The following NCOR2 variants were observed in gnomAD, a reference collection of about 807,000 sequenced individuals.
NCOR2 encodes nuclear receptor corepressor 2.
A neutral mutation model predicts 262.9 loss-of-function variants in NCOR2; 81 were observed. The observed-to-expected ratio is 0.31, with a 90% CI of 0.26 to 0.37. NCOR2 has a LOEUF of 0.37. Ranked by LOEUF, NCOR2 falls within the 10% of genes least tolerant of loss-of-function variation. The pLI, the probability that NCOR2 is intolerant of heterozygous loss-of-function variation, is 1.00. For synonymous variants in NCOR2, 1,659 were observed against 1,559.3 expected (o/e 1.06, Z -1.51); for missense variants, 3,385 against 3,621.4 (o/e 0.93, Z 1.68).
Position 124,440,768 on chromosome 12 carries a change from G to A in NCOR2, c.816-2772C>T, listed in dbSNP as rs1488066303. 6.6e-6 allele frequency among the ~76,000 whole-genome samples: 1 copy of A among 152,184 alleles called. No homozygotes were observed. Among genetic ancestry groups the A allele is most frequent in the African/African-American group, 2.4e-5 (1 of 41,432 alleles). On this transcript the variant is annotated intron_variant, in intron 7 of 46. Transcript: ENST00000405201. This position sits in a 1 kb window ranked among gnomAD's most constrained non-coding sequence, Gnocchi z 5.7. Reference sequence around the variant, plus strand: ...GTGGGTGCTGGGGGACGGGGTGTGAGGGGCTATTTTAGATTCCGTGGTGCA... The same window carrying A: ...GTGGGTGCTGGGGGACGGGGTGTGAAGGGCTATTTTAGATTCCGTGGTGCA...
In NCOR2 at chr12:124,566,366, C is replaced by G. The variant is rs1205009100; in HGVS notation, c.-165+942G>C. ...AAATAAACCTACAATGTAAAAATAA[C>G]GCCGGGCGCCCCACGCTAATTGGGC... On this transcript the variant is annotated intron_variant, in intron 1 of 32. Transcript: ENST00000458234. This position sits in a 1 kb window ranked among gnomAD's most constrained non-coding sequence, Gnocchi z 4.3. Among the ~76,000 whole-genome samples the G allele has an allele frequency of 6.6e-6, 1 of 152,192 alleles. No individual in the cohort carries two copies. Among genetic ancestry groups the G allele is most frequent in the African/African-American group, 2.4e-5 (1 of 41,442 alleles).
At chr12:124,524,879 A>C (rs991095872) in intron 1 of NCOR2, among the ~76,000 whole-genome samples, 15 of 152,196 alleles carry the variant, frequency 9.9e-5, no homozygotes, top group African/African-American at 3.6e-4. Context: ...CCCCCTCTGG[A>C]TACTAAACTC....
At chr12:124,369,129 T>G (rs1232288505) in intron 20 of NCOR2, among the ~76,000 whole-genome samples, 1 of 152,114 alleles carries the variant, frequency 6.6e-6, no homozygotes, top group Non-Finnish European at 1.5e-5. Flanking sequence ...ATGAGAAAAC[T>G]GAGGCTTGGG....
chr12:124,421,629 C>T (rs190824953), intron 12 of NCOR2, among the ~76,000 whole-genome samples: 1 of 152,312 alleles, frequency 6.6e-6, no homozygotes, highest in East Asian at 1.9e-4. Flanking sequence ...CCAGGAAGCC[C>T]GAGCAGGGTG....
chr12:124,433,695 G>A (rs371131637), intron 8 of NCOR2, among the ~76,000 whole-genome samples: 13 of 152,066 alleles, frequency 8.5e-5, no homozygotes, highest in Admixed American at 5.2e-4. Context: ...GTGTGCATTC[G>A]GTCTGCCTCG....
intron 3 of NCOR2, among the ~76,000 whole-genome samples, chr12:124,479,253 C>A (rs2047271291): frequency 1.3e-5 from 2 of 152,102 alleles, no homozygotes; most frequent in African/African-American, 4.8e-5. Flanking sequence ...CACACACACG[C>A]ACACACAAAC....
At position 124,398,194 on chromosome 12, in the gene NCOR2, T is replaced by TGCCA. The variant is rs1565907392; in HGVS notation, c.1814-17_1814-14dup. 6.2e-7 allele frequency: 1 copy of TGCCA among 1,614,060 alleles called. No individual in the cohort carries two copies. Among genetic ancestry groups the TGCCA allele is most frequent in the Non-Finnish European group, 8.5e-7 (1 of 1,179,998 alleles). ...AGCTCCATGGAGGCTGAAAAGAAGA[T>TGCCA]GCCAGGTTATTGGCAGGAGCCGGGA... On this transcript the variant is annotated splice_polypyrimidine_tract_variant and intron_variant, in intron 15 of 46. Transcript: ENST00000405201.
intron 27 of NCOR2, among the ~76,000 whole-genome samples, chr12:124,353,491 C>T (rs540225644): frequency 1.8e-4 from 27 of 152,250 alleles, no homozygotes; most frequent in Non-Finnish European, 3.5e-4. Context: ...GCCCGAAGCT[C>T]CACTGTTAGA....
chr12:124,398,059 T>A, intron 16 of NCOR2, 60 bp downstream of exon 18: 1 of 1,598,340 alleles, frequency 6.3e-7, no homozygotes. Context: ...CCCCAGCACG[T>A]GAGCTTCAGG....
chr12:124,521,642 T>G (rs566553782), intron 1 of NCOR2, among the ~76,000 whole-genome samples: 4 of 152,196 alleles, frequency 2.6e-5, no homozygotes, highest in Non-Finnish European at 5.9e-5. Flanking sequence ...ACAGGGTTCC[T>G]TTTGGGGTGA....
At chr12:124,461,600 C>T (rs1169281301) in intron 5 of NCOR2, among the ~76,000 whole-genome samples, 1 of 152,252 alleles carries the variant, frequency 6.6e-6, no homozygotes, top group Non-Finnish European at 1.5e-5. Flanking sequence ...CAAAGACATA[C>T]ACACATGTCC....
chr12:124,487,541 C>G (rs1401984316), intron 1 of NCOR2, among the ~76,000 whole-genome samples: 5 of 152,262 alleles, frequency 3.3e-5, no homozygotes, highest in Admixed American at 2.0e-4. Flanking sequence ...TGCAGGCATC[C>G]TGCTAAGTCA....
At chr12:124,486,356 C>T in intron 2 of NCOR2, 85 bp downstream of exon 4, 1 of 1,561,946 alleles carries the variant, frequency 6.4e-7, no homozygotes, top group African/African-American at 1.4e-5. Context: ...ACCCTGTGTG[C>T]TCCTGCTCTG....
At chr12:124,455,309 C>T (rs915928282) in intron 6 of NCOR2, among the ~76,000 whole-genome samples, 2 of 152,182 alleles carry the variant, frequency 1.3e-5, no homozygotes, top group Non-Finnish European at 2.9e-5. Context: ...GAAAACTTCC[C>T]CAGATATCAC....
chr12:124,386,924 G>A (rs2040848831), intron 16 of NCOR2, among the ~76,000 whole-genome samples: 1 of 152,262 alleles, frequency 6.6e-6, no homozygotes. Flanking sequence ...CACTTTCCCA[G>A]GGCTGTGGGA....
At chr12:124,553,728 C>G (rs981019256) in intron 1 of NCOR2, among the ~76,000 whole-genome samples, 1 of 152,180 alleles carries the variant, frequency 6.6e-6, no homozygotes, top group African/African-American at 2.4e-5. Context: ...ACAAATGGCC[C>G]GATTGTACAG....
intron 38 of NCOR2, chr12:124,336,486 A>G: frequency 1.5e-6 from 1 of 669,104 alleles, no homozygotes; most frequent in Non-Finnish European, 2.1e-6. Context: ...CGGCCGGAGT[A>G]GTCGTCAGCG....
chr12:124,353,514 G>A (rs905203112), intron 27 of NCOR2, among the ~76,000 whole-genome samples: 2 of 152,258 alleles, frequency 1.3e-5, no homozygotes, highest in Admixed American at 6.5e-5. Flanking sequence ...ATGCATGCAC[G>A]TGTGCAAGTG....
At chr12:124,489,159 GCC>G in intron 1 of NCOR2, among the ~76,000 whole-genome samples, 1 of 152,014 alleles carries the variant, frequency 6.6e-6, no homozygotes, top group African/African-American at 2.4e-5. Context: ...CTGAGGTGGA[GCC>G]CAAGGGGTCC....
Sources: gnomAD v4.1 joint callset for allele counts (sites outside exome capture counted in the v4.1 genomes callset) on GRCh38, gnomAD v4.1.1 for gene constraint, Gnocchi (gnomAD v3.1) non-coding constraint, MANE v1.5 for transcripts, NCBI Gene and HGNC (gene_info 2026-07-23, HGNC 2026-07-21) for gene names.